SKAP1: variants seen among roughly 807,000 people sequenced by gnomAD.
SKAP1 encodes the protein src kinase associated phosphoprotein 1.
A neutral mutation model predicts 58.5 loss-of-function variants in SKAP1; 44 were observed. The observed-to-expected ratio is 0.75, with a 90% CI of 0.59 to 0.97. The LOEUF is 0.97. Ranked by LOEUF, SKAP1 falls within the 50% of genes least tolerant of loss-of-function variation. SKAP1 has a pLI of 0.00. For missense variants in SKAP1, 390 were observed against 435.2 expected, an observed-to-expected ratio of 0.90 and a Z score of 0.92; for synonymous variants, 127 against 149.7, an observed-to-expected ratio of 0.85 and a Z score of 1.11.
intron 4 of SKAP1, among the ~76,000 whole-genome samples, chr17:48,285,445 T>C (rs2065818405): frequency 1.3e-5 from 2 of 152,064 alleles, no homozygotes; most frequent in Admixed American, 1.3e-4. Context: ...TGAAAACCTG[T>C]CTCTACTAAA....
intron 4 of SKAP1, among the ~76,000 whole-genome samples, chr17:48,333,775 A>C (rs1383504660): frequency 6.6e-6 from 1 of 152,114 alleles, no homozygotes; most frequent in African/African-American, 2.4e-5. Flanking sequence ...CATCCCAAAC[A>C]AATAGGGAAT....
At chr17:48,277,856 C>A (rs2065719572) in intron 4 of SKAP1, among the ~76,000 whole-genome samples, 1 of 152,098 alleles carries the variant, frequency 6.6e-6, no homozygotes, top group Non-Finnish European at 1.5e-5. Flanking sequence ...CGGCTCCCAA[C>A]ACACTGAGAT....
At chr17:48,399,877 T>C (rs1381945432) in intron 1 of SKAP1, among the ~76,000 whole-genome samples, 1 of 151,942 alleles carries the variant, frequency 6.6e-6, no homozygotes, top group Non-Finnish European at 1.5e-5. Context: ...ATACTGAACA[T>C]TGTACAGGTG....
At chr17:48,217,951 G>T (rs1598436495) in intron 4 of SKAP1, among the ~76,000 whole-genome samples, 1 of 152,224 alleles carries the variant, frequency 6.6e-6, no homozygotes, top group Admixed American at 6.5e-5. Flanking sequence ...CAAGATGTTA[G>T]TGAAAGCTTT....
intron 4 of SKAP1, among the ~76,000 whole-genome samples, chr17:48,202,154 T>A (rs930429285): frequency 4.3e-4 from 66 of 152,332 alleles, no homozygotes; most frequent in African/African-American, 1.6e-3. Context: ...TAATTTTGCC[T>A]TCTCTATGTC....
the SKAP1 span, among the ~76,000 whole-genome samples, chr17:48,443,915 AATC>A: frequency 1.3e-5 from 2 of 152,154 alleles, no homozygotes; most frequent in Non-Finnish European, 2.9e-5. Context: ...TAAATTTAAT[AATC>A]ATCAATTATT....
intron 4 of SKAP1, among the ~76,000 whole-genome samples, chr17:48,267,237 A>G (rs2065563491): frequency 6.6e-6 from 1 of 152,236 alleles, no homozygotes; most frequent in Non-Finnish European, 1.5e-5. Flanking sequence ...AAGTAGATAT[A>G]TAAGTTATTA....
intron 1 of SKAP1, among the ~76,000 whole-genome samples, chr17:48,412,352 A>C (rs1042606391): frequency 1.1e-4 from 17 of 152,188 alleles, no homozygotes; most frequent in African/African-American, 4.1e-4. Context: ...TATATTCTCT[A>C]TATTTCTAAA....
intron 1 of SKAP1, among the ~76,000 whole-genome samples, chr17:48,417,514 G>A (rs1377266712): frequency 6.6e-6 from 1 of 152,198 alleles, no homozygotes; most frequent in Non-Finnish European, 1.5e-5. Context: ...GGAAGCCGAG[G>A]CAGGAGGATT....
intron 2 of SKAP1, among the ~76,000 whole-genome samples, chr17:48,373,782 T>C (rs775340320): frequency 7.2e-5 from 11 of 152,182 alleles, no homozygotes; most frequent in Non-Finnish European, 1.6e-4. Flanking sequence ...AAAAATGATA[T>C]GACCCACTGA....
intron 7 of SKAP1, among the ~76,000 whole-genome samples, chr17:48,184,394 G>A (rs967789673): frequency 2.6e-5 from 4 of 152,134 alleles, no homozygotes; most frequent in Non-Finnish European, 5.9e-5. Context: ...AAGAGAATGG[G>A]AATTTAAACC....
intron 4 of SKAP1, among the ~76,000 whole-genome samples, chr17:48,221,300 T>C (rs912740287): frequency 2.0e-5 from 3 of 152,126 alleles, no homozygotes; most frequent in African/African-American, 4.8e-5. Context: ...CATTGAGTTC[T>C]ACATTTATGA....
chr17:48,164,415 T>C (rs1193785413), intron 10 of SKAP1, among the ~76,000 whole-genome samples: 1 of 152,224 alleles, frequency 6.6e-6, no homozygotes, highest in East Asian at 1.9e-4. Flanking sequence ...GCCTAGCAGA[T>C]AGTCACTTTG....
At chr17:48,312,252 T>C (rs753484023) in intron 4 of SKAP1, among the ~76,000 whole-genome samples, 2 of 152,242 alleles carry the variant, frequency 1.3e-5, no homozygotes, top group Non-Finnish European at 2.9e-5. Context: ...AGTGTCACTA[T>C]ATGAAGTGCA....
intron 2 of SKAP1, among the ~76,000 whole-genome samples, chr17:48,367,380 G>A (rs1407383352): frequency 2.6e-5 from 4 of 151,616 alleles, no homozygotes; most frequent in Non-Finnish European, 5.9e-5. Flanking sequence ...TAATAATACT[G>A]TATTACATAC....
chr17:48,187,789 C>T (rs1386094248), intron 6 of SKAP1, 54 bp downstream of exon 6: 33 of 1,268,760 alleles, frequency 2.6e-5, no homozygotes, highest in Middle Eastern at 1.9e-4. Flanking sequence ...TGAGAATTTA[C>T]GAAGTGTTTG....
chr17:48,272,420 T>C (rs1234044464), intron 4 of SKAP1, among the ~76,000 whole-genome samples: 1 of 149,864 alleles, frequency 6.7e-6, no homozygotes, highest in African/African-American at 2.5e-5. Context: ...GCGTGAGACA[T>C]CGTGTTCCTC....
rs374043862 is a variant in SKAP1 at position 48,187,820 on chromosome 17, C to T, written c.442+23G>A. 2.6e-6 allele frequency: 4 copies of T among 1,531,914 alleles called. No individual in the cohort carries two copies. In the African/African-American group the frequency reaches 5.5e-5, roughly 21 times the overall value. The allele number at this position is 1,531,914 out of a possible 1,614,324, so 94.9% of individuals were successfully genotyped here. On this transcript the variant is annotated intron_variant, in intron 6 of 12. Transcript: ENST00000336915. ...GTTTGCATCCAGGAGTGAGATGCTG[C>T]TGTGTAAATGAAGAACACTTACTCT...
chr17:48,284,494 A>G (rs1330590784), intron 4 of SKAP1, among the ~76,000 whole-genome samples: 1 of 152,198 alleles, frequency 6.6e-6, no homozygotes, highest in Admixed American at 6.6e-5. Context: ...GTGATGATCT[A>G]TGAAGGAGAT....
Sources: allele counts gnomAD v4.1 joint callset (sites outside exome capture counted in the v4.1 genomes callset), GRCh38; gene constraint gnomAD v4.1.1; transcripts MANE v1.5; gene names NCBI Gene and HGNC (gene_info 2026-07-23, HGNC 2026-07-21).